TRIP4: variants seen among roughly 807,000 people sequenced by gnomAD.
TRIP4 encodes the protein thyroid hormone receptor interactor 4, also known as activating signal cointegrator 1.
A neutral mutation model predicts 81.8 loss-of-function variants in TRIP4; 54 were observed. That is an observed-to-expected ratio of 0.66 (90% CI 0.53 to 0.83). The LOEUF is 0.83. Among genes scored for constraint, TRIP4 ranks in the 40% least tolerant of loss-of-function variants. The pLI, the probability that TRIP4 is intolerant of heterozygous loss-of-function variation, is 0.00. For synonymous variants in TRIP4, 270 were observed against 242.8 expected (o/e 1.11, Z -1.04); for missense variants, 662 against 683.6 (o/e 0.97, Z 0.35).
intron 8 of TRIP4, among the ~76,000 whole-genome samples, chr15:64,417,899 A>T (rs1234379016): frequency 6.6e-6 from 1 of 152,220 alleles, no homozygotes; most frequent in Non-Finnish European, 1.5e-5. Context: ...AGAACCAAGT[A>T]TGGATCATTA....
intron 7 of TRIP4, 113 bp downstream of exon 7, chr15:64,409,941 G>T: frequency 1.0e-6 from 1 of 958,040 alleles, no homozygotes. Context: ...TGTTTATTTG[G>T]AACAGAAAAC....
intron 1 of TRIP4, among the ~76,000 whole-genome samples, chr15:64,391,157 T>A (rs1900115916): frequency 6.7e-6 from 1 of 149,022 alleles, no homozygotes; most frequent in South Asian, 2.1e-4. Flanking sequence ...GCTATTAACT[T>A]TTTTTTTTTT....
intron 11 of TRIP4, among the ~76,000 whole-genome samples, chr15:64,438,664 C>A (rs2140309648): frequency 6.6e-6 from 1 of 152,172 alleles, no homozygotes; most frequent in South Asian, 2.1e-4. Context: ...AAATGAAGAC[C>A]AAAAATAATT....
intron 9 of TRIP4, among the ~76,000 whole-genome samples, chr15:64,419,628 G>A (rs1349931533): frequency 6.6e-6 from 1 of 152,046 alleles, no homozygotes; most frequent in Non-Finnish European, 1.5e-5. Context: ...AAAGTGCTGG[G>A]ATTACAGACG....
intron 4 of TRIP4, among the ~76,000 whole-genome samples, chr15:64,398,125 TC>T (rs762421959): frequency 5.9e-5 from 9 of 152,104 alleles, no homozygotes; most frequent in Admixed American, 1.3e-4. Context: ...ATGGTCTCGA[TC>T]TCCTGACCTT....
intron 11 of TRIP4, among the ~76,000 whole-genome samples, chr15:64,432,956 A>G (rs1020724612): frequency 6.6e-6 from 1 of 151,998 alleles, no homozygotes; most frequent in African/African-American, 2.4e-5. Flanking sequence ...TAAACACTTG[A>G]GAGCCTATTA....
intron 3 of TRIP4, among the ~76,000 whole-genome samples, chr15:64,396,377 A>G (rs1900295924): frequency 6.9e-6 from 1 of 145,898 alleles, no homozygotes; most frequent in Non-Finnish European, 1.5e-5. Flanking sequence ...CCCTGGTTCA[A>G]ACGATTCTCC....
intron 11 of TRIP4, among the ~76,000 whole-genome samples, chr15:64,442,726 G>C (rs571849958): frequency 6.6e-6 from 1 of 151,956 alleles, no homozygotes; most frequent in South Asian, 2.1e-4. Context: ...GGTGGCTCAC[G>C]CCTGTAATCC....
At chr15:64,406,299 G>A (rs1279660146) in intron 5 of TRIP4, 31 bp from the exon 6 acceptor site, 2 of 1,610,378 alleles carry the variant, frequency 1.2e-6, no homozygotes, top group Non-Finnish European at 1.7e-6. Context: ...TTTAGAGGCT[G>A]ACACCATTTG....
chr15:64,451,072 T>C (rs957304616), intron 12 of TRIP4: 1 of 173,148 alleles, frequency 5.8e-6, no homozygotes, highest in Non-Finnish European at 1.3e-5. Flanking sequence ...GTAAATAATA[T>C]AACCACCCTT....
intron 2 of TRIP4, 82 bp from the exon 3 acceptor site, chr15:64,395,316 T>G: frequency 8.3e-7 from 1 of 1,206,140 alleles, no homozygotes; most frequent in Non-Finnish European, 1.1e-6. Context: ...AGCATCACCT[T>G]AGTTTATTAG....
chr15:64,437,396 G>A (rs775484826), intron 11 of TRIP4, among the ~76,000 whole-genome samples: 16 of 151,508 alleles, frequency 1.1e-4, no homozygotes, highest in South Asian at 2.1e-4. Flanking sequence ...CAACCTGGGC[G>A]ACAGGGTGAG....
chr15:64,447,142 A>AC lies in TRIP4; in HGVS notation c.1678+2035dup, dbSNP rs576425111. 6.2e-3 allele frequency among the ~76,000 whole-genome samples: 944 copies of AC among 151,922 alleles called. 13 individuals carry two copies. Among genetic ancestry groups the AC allele is most frequent in the African/African-American group, 0.022 (902 of 41,354 alleles). ...ACAAAAACAAAAACAAACAAAAAAA[A>AC]CACACATATAGTAGTGGTGTCCTCC... On this transcript the variant is annotated intron_variant, in intron 12 of 12. Transcript: ENST00000261884.
At chr15:64,431,755 A>T (rs546349332) in intron 11 of TRIP4, among the ~76,000 whole-genome samples, 1 of 150,522 alleles carries the variant, frequency 6.6e-6, no homozygotes, top group East Asian at 1.9e-4. Context: ...TTTCTAGATC[A>T]AAACAGACTG....
chr15:64,426,071 A>T (rs963505829), intron 11 of TRIP4, among the ~76,000 whole-genome samples: 1 of 151,956 alleles, frequency 6.6e-6, no homozygotes, highest in Admixed American at 6.6e-5. Context: ...CAACCGAGTG[A>T]GATTCCTTCT....
intron 11 of TRIP4, among the ~76,000 whole-genome samples, chr15:64,435,771 A>T (rs897377520): frequency 2.6e-4 from 37 of 144,194 alleles, no homozygotes; most frequent in Non-Finnish European, 5.1e-4. Flanking sequence ...CCAACTGTTA[A>T]CTTTGCATGG....
intron 1 of TRIP4, among the ~76,000 whole-genome samples, chr15:64,391,197 C>T (rs1157795408): frequency 6.6e-6 from 1 of 151,806 alleles, no homozygotes; most frequent in Non-Finnish European, 1.5e-5. Context: ...CACTCTGTCG[C>T]CCAGGCTGGA....
rs1341122178 is a variant in TRIP4, at chr15:64,397,940, G to T, written c.618+122G>T. ...GGTTGAGACGGAGTCTCACTTTGTC[G>T]CCCAGGCTGGAGTGCAGTGGCACGA... On this transcript the variant is annotated intron_variant, in intron 4 of 12. Transcript: ENST00000261884. The T allele has an allele frequency of 8.9e-6, 10 of 1,123,832 alleles. No individual in the cohort carries two copies. In the East Asian group the frequency reaches 1.8e-4, roughly 20 times the overall value. The allele number at this position is 1,123,832 out of a possible 1,614,324, so 69.6% of individuals were successfully genotyped here.
chr15:64,427,922 A>AT (rs1007916379), intron 11 of TRIP4, among the ~76,000 whole-genome samples: 2 of 150,912 alleles, frequency 1.3e-5, no homozygotes, highest in Non-Finnish European at 3.0e-5. Flanking sequence ...CTTTTTGCCC[A>AT]TTTTTTTCAA....
Sources: allele counts gnomAD v4.1 joint callset (sites outside exome capture counted in the v4.1 genomes callset), GRCh38; gene constraint gnomAD v4.1.1; transcripts MANE v1.5; gene names NCBI Gene and HGNC (gene_info 2026-07-23, HGNC 2026-07-21).